Variants in CTNNA3 observed in about 807,000 individuals in gnomAD.
The protein encoded by CTNNA3 is catenin alpha 3.
In CTNNA3, 76 loss-of-function variants were observed where a neutral mutation model predicts 95.7. That is an observed-to-expected ratio of 0.79 (90% CI 0.66 to 0.96). The LOEUF (loss-of-function observed/expected upper bound fraction) is 0.96. CTNNA3 is among the 40% of genes least tolerant of loss of function. The pLI is 0.00. For synonymous variants in CTNNA3, 431 were observed against 374.4 expected (o/e 1.15, Z -1.74); for missense variants, 1,191 against 1,089.8 (o/e 1.09, Z -1.31).
chr10:66,189,290 CATT>C (rs2086523628), intron 13 of CTNNA3, among the ~76,000 whole-genome samples: 1 of 138,222 alleles, frequency 7.2e-6, no homozygotes, highest in African/African-American at 2.7e-5. Flanking sequence ...AAAAAAAAAA[CATT>C]GTTAAGACCA....
intron 13 of CTNNA3, among the ~76,000 whole-genome samples, chr10:66,121,704 G>A (rs1290290780): frequency 6.6e-6 from 1 of 152,044 alleles, no homozygotes; most frequent in African/African-American, 2.4e-5. Flanking sequence ...AGCAAGGCAT[G>A]GTGGCACATG....
chr10:66,560,692 T>C (rs1162260966), intron 10 of CTNNA3, among the ~76,000 whole-genome samples: 1 of 152,070 alleles, frequency 6.6e-6, no homozygotes. Context: ...TGGTATGAAC[T>C]GAATGTGTCC....
intron 7 of CTNNA3, among the ~76,000 whole-genome samples, chr10:67,178,059 T>C (rs1452893633): frequency 6.6e-6 from 1 of 152,156 alleles, no homozygotes; most frequent in Non-Finnish European, 1.5e-5. Flanking sequence ...AATGCAGCAA[T>C]GAAGCACATG....
intron 5 of CTNNA3, among the ~76,000 whole-genome samples, chr10:67,477,633 G>T (rs1223957011): frequency 6.6e-6 from 1 of 152,130 alleles, no homozygotes; most frequent in African/African-American, 2.4e-5. Context: ...CTAAGAAGCG[G>T]GGAAAGGGAA....
intron 10 of CTNNA3, among the ~76,000 whole-genome samples, chr10:66,613,595 AG>A (rs774679605): frequency 3.2e-4 from 49 of 152,208 alleles, no homozygotes; most frequent in Non-Finnish European, 5.6e-4. Context: ...ATCACTAGAA[AG>A]AAACTGGTAC....
chr10:67,702,087 A>G (rs1349685972), intron 1 of CTNNA3, among the ~76,000 whole-genome samples: 5 of 152,184 alleles, frequency 3.3e-5, no homozygotes, highest in Non-Finnish European at 7.3e-5. Flanking sequence ...TATCCTAAAT[A>G]TATATGCACC....
chr10:66,307,319 A>G (rs1320015278), intron 12 of CTNNA3, among the ~76,000 whole-genome samples: 2 of 152,212 alleles, frequency 1.3e-5, no homozygotes, highest in Non-Finnish European at 2.9e-5. Context: ...AAGTTTTATC[A>G]TTATAGTATC....
chr10:67,482,868 T>C (rs1467458035), intron 5 of CTNNA3, among the ~76,000 whole-genome samples: 2 of 152,304 alleles, frequency 1.3e-5, no homozygotes, highest in African/African-American at 2.4e-5. Context: ...CCATTCAGTA[T>C]GGTATTGGCT....
intron 13 of CTNNA3, among the ~76,000 whole-genome samples, chr10:66,226,684 G>C (rs560754452): frequency 1.3e-5 from 2 of 151,246 alleles, no homozygotes; most frequent in South Asian, 4.2e-4. Flanking sequence ...TCCAGTCCAT[G>C]AACATGGGAT....
chr10:66,625,670 TG>T (rs1482854890), intron 9 of CTNNA3, among the ~76,000 whole-genome samples: 1 of 152,222 alleles, frequency 6.6e-6, no homozygotes, highest in Non-Finnish European at 1.5e-5. Flanking sequence ...ATTACAGCCA[TG>T]TGCCATGGCA....
chr10:66,981,905 CAA>C lies in CTNNA3; in HGVS notation c.1047+198410_1047+198411del, dbSNP rs1409045987. On this transcript the variant is annotated intron_variant, in intron 7 of 17. Transcript: ENST00000433211. ...TGCTCCCAAAGTTGCATCAAAAGAA[CAA>C]AGAGAAAATGAAATCCACAGGAAGC... Among the ~76,000 whole-genome samples the C allele has an allele frequency of 2.0e-5, 3 of 152,208 alleles. No individual in the cohort carries two copies. The East Asian group carries it at 5.8e-4, about 29-fold the overall frequency.
chr10:67,059,608 T>A (rs1855641633), intron 7 of CTNNA3, among the ~76,000 whole-genome samples: 1 of 152,200 alleles, frequency 6.6e-6, no homozygotes, highest in Non-Finnish European at 1.5e-5. Flanking sequence ...TTCCTTTTTT[T>A]AAAGTTGTCA....
chr10:66,402,420 G>A lies in CTNNA3; in HGVS notation c.1532-23068C>T, dbSNP rs144413904. ...AAAGAGTGTCAGGAATACAATAAGC[G>A]TTCAATAAAAGTTGTTCAAATGAAC... On this transcript the variant is annotated intron_variant, in intron 11 of 17. Coordinates refer to ENST00000433211, the MANE Select transcript of CTNNA3 (RefSeq NM_013266.4). Among the ~76,000 whole-genome samples the A allele has an allele frequency of 2.6e-3, 388 of 152,148 alleles. 2 individuals carry two copies. The highest frequency in any genetic ancestry group is 8.2e-3 in the African/African-American group (339 of 41,518).
At chr10:67,359,881 T>C (rs1340024759) in intron 5 of CTNNA3, among the ~76,000 whole-genome samples, 2 of 152,038 alleles carry the variant, frequency 1.3e-5, no homozygotes, top group Non-Finnish European at 2.9e-5. Context: ...AAGAAGATCA[T>C]TCTGAAGGCA....
chr10:66,390,144 A>G (rs540375377), intron 11 of CTNNA3, among the ~76,000 whole-genome samples: 2 of 152,314 alleles, frequency 1.3e-5, no homozygotes, highest in South Asian at 4.1e-4. Flanking sequence ...CTGGCTTTCT[A>G]CAGCCAAAGT....
At chr10:66,113,227 T>TC (rs1308566354) in intron 13 of CTNNA3, among the ~76,000 whole-genome samples, 6 of 152,098 alleles carry the variant, frequency 3.9e-5, no homozygotes, top group Non-Finnish European at 8.8e-5. Flanking sequence ...TTAGTGGTAC[T>TC]CTGGCTCTAA....
chr10:66,729,662 G>A (rs577500159), intron 9 of CTNNA3, among the ~76,000 whole-genome samples: 1 of 151,996 alleles, frequency 6.6e-6, no homozygotes, highest in Non-Finnish European at 1.5e-5. Context: ...AGGGGGCGAG[G>A]GATAAAAGAC....
chr10:66,154,543 C>T (rs546144263), intron 13 of CTNNA3, among the ~76,000 whole-genome samples: 2 of 151,284 alleles, frequency 1.3e-5, no homozygotes, highest in Admixed American at 1.3e-4. Context: ...GTGGCTCTTA[C>T]TTGCAAGCTA....
chr10:67,290,212 G>A (rs1056649058), intron 5 of CTNNA3, among the ~76,000 whole-genome samples: 3 of 152,164 alleles, frequency 2.0e-5, no homozygotes, highest in Admixed American at 1.3e-4. Context: ...GTTAAGGGAT[G>A]GAGTAATACC....
Sources: gnomAD v4.1 joint callset for allele counts (sites outside exome capture counted in the v4.1 genomes callset) on GRCh38, gnomAD v4.1.1 for gene constraint, MANE v1.5 for transcripts, NCBI Gene and HGNC (gene_info 2026-07-23, HGNC 2026-07-21) for gene names.